The following RBM48 variants were observed in gnomAD, a reference collection of about 807,000 sequenced individuals.
The protein encoded by RBM48 is RNA binding motif protein 48, also known as RNA-binding protein 48.
Under a neutral mutation model 34.8 loss-of-function variants are expected in RBM48, and 32 were observed. That is an observed-to-expected ratio of 0.92 (90% CI 0.69 to 1.23). The LOEUF (loss-of-function observed/expected upper bound fraction) is 1.23. Ranked by LOEUF, RBM48 falls within the 50% of genes most tolerant of loss-of-function variation. The probability of loss-of-function intolerance (pLI) is 0.00; values close to 1 mark genes in which losing one functional copy is unlikely to be tolerated. For missense variants in RBM48, 441 were observed against 447.2 expected, an observed-to-expected ratio of 0.99 and a Z score of 0.12; for synonymous variants, 151 against 156.2, an observed-to-expected ratio of 0.97 and a Z score of 0.25.
chr7:92,529,075 C>T, intron 1 of RBM48, 151 bp downstream of exon 1: 3 of 673,440 alleles, frequency 4.5e-6, no homozygotes, highest in Non-Finnish European at 8.0e-6. Context: ...GGTCAGTTAC[C>T]AAAGATTCTC....
At chr7:92,536,641 A>G (rs754047048) in intron 4 of RBM48, 5 of 1,188,344 alleles carry the variant, frequency 4.2e-6, no homozygotes, top group Non-Finnish European at 5.2e-6. Flanking sequence ...CTTTTTAAAT[A>G]GCTTTAGAAA....
intron 3 of RBM48, among the ~76,000 whole-genome samples, chr7:92,533,528 T>C (rs974595336): frequency 7.2e-5 from 11 of 152,214 alleles, no homozygotes; most frequent in Admixed American, 3.3e-4. Context: ...ATCTTCATTA[T>C]TTGCTCCCCT....
In RBM48 at chr7:92,536,965, A is replaced by G. The variant is rs1288321116; in HGVS notation, c.*28A>G. 6.9e-7 allele frequency: 1 copy of G among 1,458,672 alleles called. No homozygotes were observed. The allele number at this position is 1,458,672 out of a possible 1,614,324, so 90.4% of individuals were successfully genotyped here. On this transcript the variant is annotated 3_prime_UTR_variant, in exon 5 of 5. Coordinates refer to ENST00000265732, the MANE Select transcript of RBM48 (RefSeq NM_032120.4). ...TGCCAGCAGCAACTTAGTATTTTCTAAAAAGAACATTTATTATTTATTTTT... is the reference window on the plus strand; with the variant it reads ...TGCCAGCAGCAACTTAGTATTTTCTGAAAAGAACATTTATTATTTATTTTT...
At chr7:92,535,966 CT>C (rs1325155457) in intron 4 of RBM48, 11 of 399,854 alleles carry the variant, frequency 2.8e-5, no homozygotes, top group Non-Finnish European at 3.7e-5. Context: ...GAAACCCCAT[CT>C]TTACCATAAA....
chr7:92,529,692 C>T (rs749294378), intron 2 of RBM48, 26 bp downstream of exon 2: 21 of 1,351,076 alleles, frequency 1.6e-5, no homozygotes, highest in Non-Finnish European at 2.2e-5. Flanking sequence ...AGAAATGACT[C>T]ATTTCCTCAT....
At chr7:92,536,274 G>A in intron 4 of RBM48, 1 of 981,428 alleles carries the variant, frequency 1.0e-6, no homozygotes, top group South Asian at 4.7e-5. Context: ...CAAATTCTAG[G>A]TCCAGAAATA....
Position 92,529,601 on chromosome 7 carries a change from T to C in RBM48, c.237T>C (p.Asp79=), listed in dbSNP as rs1452453653. 14 of 1,611,258 alleles carry C rather than the reference T, an allele frequency of 8.7e-6. No homozygotes were observed. The highest frequency in any genetic ancestry group is 1.2e-5 in the Non-Finnish European group (14 of 1,177,964). Residue 79 remains aspartate (D), a synonymous_variant, in exon 2 of 5, where the codon GAT becomes GAC. Transcript: ENST00000265732. The stretch of plus-strand genomic sequence containing the variant: ...CAATTGAACAGTACAATGCTCTAGA[T>C]GAATACCCAGCAGAAGACTTTACTG... ...YGAIEQYNAL[D]EYPAEDFTEV...
intron 3 of RBM48, 25 bp from the exon 4 acceptor site, chr7:92,534,377 T>G: frequency 1.3e-6 from 2 of 1,589,906 alleles, no homozygotes; most frequent in Admixed American, 1.8e-5. Context: ...TCCCTTTCCC[T>G]CAACTTTTAA....
At chr7:92,536,613 T>C in intron 4 of RBM48, 5 of 1,133,406 alleles carry the variant, frequency 4.4e-6, no homozygotes, top group Non-Finnish European at 5.4e-6. Context: ...TTCACTTTTC[T>C]TCCTCCAAAT....
In RBM48 at chr7:92,534,860, A is replaced by G. The variant is rs953175272; in HGVS notation, c.907A>G (p.Thr303Ala). 3 of 1,614,042 alleles carry G rather than the reference A, an allele frequency of 1.9e-6. No individual in the cohort carries two copies. The African/African-American group carries it at 4.0e-5, about 22-fold the overall frequency. ...KLGTFLQTNP[T>A]GNEIMIGPLL... Reference sequence around the variant, plus strand: ...TGGAACTTTTCTTCAAACAAACCCAACTGGTAATGAGATTATGATTGGACC... The same window carrying G: ...TGGAACTTTTCTTCAAACAAACCCAGCTGGTAATGAGATTATGATTGGACC... Residue 303 changes from threonine to alanine, a missense_variant, in exon 4 of 5, where the codon ACT (threonine) becomes GCT (alanine). Coordinates refer to ENST00000265732, the MANE Select transcript of RBM48 (RefSeq NM_032120.4).
Position 92,534,535 on chromosome 7 carries a change from T to G in RBM48, c.582T>G (p.Tyr194Ter). 1.9e-6 allele frequency: 3 copies of G among 1,614,182 alleles called. No homozygotes were observed. The highest frequency in any genetic ancestry group is 2.5e-6 in the Non-Finnish European group (3 of 1,180,034). ...LNTSAGNSNP[Y>*]LPYSCELPLC... The stretch of plus-strand genomic sequence containing the variant: ...CTTCTGCAGGGAACTCAAATCCTTA[T>G]CTTCCGTATTCCTGTGAATTGCCTT... Residue 194 changes from tyrosine to a stop codon, truncating the protein, a stop_gained, in exon 4 of 5, where the codon TAT (tyrosine) becomes TAG (stop). Transcript: ENST00000265732. LOFTEE classifies it high-confidence loss of function.
At chr7:92,535,212 G>T in intron 4 of RBM48, 1 of 1,390,266 alleles carries the variant, frequency 7.2e-7, no homozygotes, top group Non-Finnish European at 9.3e-7. Context: ...AAATATTAAA[G>T]CAGTGGTTTC....
Position 92,539,304 on chromosome 7 carries a change from C to T in RBM48, c.*2367C>T, listed in dbSNP as rs775812936. 3.3e-5 allele frequency among the ~76,000 whole-genome samples: 5 copies of T among 152,090 alleles called. No individual in the cohort carries two copies. Among genetic ancestry groups the T allele is most frequent in the Non-Finnish European group, 7.4e-5 (5 of 68,016 alleles). On this transcript the variant is annotated 3_prime_UTR_variant, in exon 5 of 5. Coordinates refer to ENST00000265732, the MANE Select transcript of RBM48 (RefSeq NM_032120.4). Reference sequence around the variant, plus strand: ...CACACGTTTCCAGAAAGTTAAAATGCGGGGTAGAGGGAATAAACTACAGGG... The same window carrying T: ...CACACGTTTCCAGAAAGTTAAAATGTGGGGTAGAGGGAATAAACTACAGGG...
At chr7:92,531,135 C>A (rs999213837) in intron 2 of RBM48, among the ~76,000 whole-genome samples, 1 of 152,146 alleles carries the variant, frequency 6.6e-6, no homozygotes, top group African/African-American at 2.4e-5. Context: ...TGCTTACTAG[C>A]TTCATGATCT....
chr7:92,529,697 C>T (rs371274767), intron 2 of RBM48, 31 bp downstream of exon 2: 86 of 1,353,632 alleles, frequency 6.4e-5, no homozygotes, highest in Non-Finnish European at 7.8e-5. Context: ...TGACTCATTT[C>T]CTCATTTCTT....
At position 92,533,267 on chromosome 7, in the gene RBM48, G is replaced by A. The variant is rs534975502; in HGVS notation, c.448+718G>A. 1.5e-3 allele frequency among the ~76,000 whole-genome samples: 233 copies of A among 152,278 alleles called. 3 individuals carry two copies. Among genetic ancestry groups the A allele is most frequent in the African/African-American group, 5.4e-3 (226 of 41,538 alleles). On this transcript the variant is annotated intron_variant, in intron 3 of 4. Transcript: ENST00000265732. ...TAAGATAAGTAAATAAATAGCACCA[G>A]GAAAACTTGTATGTTTGTGTGGCAA...
Position 92,534,519 on chromosome 7 carries a change from G to A in RBM48, c.566G>A (p.Gly189Glu). The change falls in exon 4 of 5, where the codon GGG (glycine) becomes GAG (glutamate). Residue 189 changes from glycine (G) to glutamate (E), a missense_variant. Coordinates refer to ENST00000265732, the MANE Select transcript of RBM48 (RefSeq NM_032120.4). ...FCKAALNTSA[G>E]NSNPYLPYSC... The stretch of plus-strand genomic sequence containing the variant: ...AAAGCTGCTTTGAACACTTCTGCAG[G>A]GAACTCAAATCCTTATCTTCCGTAT... 3.1e-6 allele frequency: 5 copies of A among 1,614,038 alleles called. No individual in the cohort carries two copies. Among genetic ancestry groups the A allele is most frequent in the Non-Finnish European group, 4.2e-6 (5 of 1,180,016 alleles).
intron 4 of RBM48, 179 bp from the exon 5 acceptor site, chr7:92,536,672 A>C (rs1793719875): frequency 8.1e-7 from 1 of 1,236,282 alleles, no homozygotes. Flanking sequence ...ATCAGTATTC[A>C]AATGGAAGAC....
Position 92,539,042 on chromosome 7 carries a change from C to A in RBM48, c.*2105C>A, listed in dbSNP as rs747595251. ...TCAAATTAAGTTGGTTTGGGTGGGG[C>A]CTGAGATTCTGCATTTTTCCCAAGT... On this transcript the variant is annotated 3_prime_UTR_variant, in exon 5 of 5. Transcript: ENST00000265732. Among the ~76,000 whole-genome samples, 15 of 152,134 alleles carry A rather than the reference C, an allele frequency of 9.9e-5. No homozygotes were observed. The highest frequency in any genetic ancestry group is 7.9e-4 in the Admixed American group (12 of 15,268).
Sources: gnomAD v4.1 joint callset for allele counts (sites outside exome capture counted in the v4.1 genomes callset) on GRCh38, gnomAD v4.1.1 for gene constraint, MANE v1.5 for transcripts, NCBI Gene and HGNC (gene_info 2026-07-23, HGNC 2026-07-21) for gene names.